The following SAT2 variants were observed in gnomAD, a reference collection of about 807,000 sequenced individuals.
The protein encoded by SAT2 is spermidine/spermine N1-acetyltransferase family member 2, also known as thialysine N-epsilon-acetyltransferase.
Under a neutral mutation model 24.8 loss-of-function variants are expected in SAT2, and 19 were observed. The ratio of observed to expected loss-of-function variants is 0.77; its 90% confidence interval spans 0.53 to 1.12. The LOEUF is 1.12. Among genes scored for constraint, SAT2 ranks in the 50% most tolerant of loss-of-function variants. The pLI is 0.00. For missense variants in SAT2, 190 were observed against 210.7 expected (o/e 0.90, Z 0.61); for synonymous variants, 77 against 77.4 (o/e 0.99, Z 0.03).
rs557032924 is a variant in SAT2 at position 7,627,707 on chromosome 17, C to G, written c.-72G>C. ...GCAACTAGACCCCTTAAAGGGCCTACGGACTTGGATCCTGAAGAGCCTGAG... is the reference window on the plus strand; with the variant it reads ...GCAACTAGACCCCTTAAAGGGCCTAGGGACTTGGATCCTGAAGAGCCTGAG... On this transcript the variant is annotated 5_prime_UTR_variant, in exon 1 of 6. Coordinates refer to ENST00000269298, the MANE Select transcript of SAT2 (RefSeq NM_133491.5). The surrounding 1 kb of genome is among the most constrained non-coding windows in gnomAD (Gnocchi z 4.8). 2 of 1,545,296 alleles carry G rather than the reference C, an allele frequency of 1.3e-6. No homozygotes were observed. The highest frequency in any genetic ancestry group is 2.7e-5 in the African/African-American group (2 of 73,496).
At position 7,627,802 on chromosome 17, in the gene SAT2, G is replaced by A. The variant is rs755942117; in HGVS notation, c.-167C>T. ...GCCTGGTAAGTGGAGCTGGGATTCCGGCGCCGTACGGGAGGAGAGAGTAGG... is the reference window on the plus strand; with the variant it reads ...GCCTGGTAAGTGGAGCTGGGATTCCAGCGCCGTACGGGAGGAGAGAGTAGG... On this transcript the variant is annotated 5_prime_UTR_variant, in exon 1 of 6. Coordinates refer to ENST00000269298, the MANE Select transcript of SAT2 (RefSeq NM_133491.5). This position sits in a 1 kb window ranked among gnomAD's most constrained non-coding sequence, Gnocchi z 4.8. The A allele has an allele frequency of 1.9e-5, 14 of 751,586 alleles. No homozygotes were observed. The South Asian group carries it at 2.0e-4, about 11-fold the overall frequency. The allele number at this position is 751,586 out of a possible 1,614,324, so 46.6% of individuals were successfully genotyped here.
chr17:7,627,849 C>G (rs1056713488), upstream of SAT2: 29 of 654,646 alleles, frequency 4.4e-5, no homozygotes, highest in Non-Finnish European at 7.4e-5. This position sits in a 1 kb window ranked among gnomAD's most constrained non-coding sequence, Gnocchi z 4.8. Context: ...ATCCTCTGTC[C>G]GGGCATAGCC....
In SAT2 at chr17:7,627,669, G is replaced by A; in HGVS notation, c.-34C>T. ...CCGCTGTCTGGGACCAAAGTCCCAGGGCCTCGCAAACGGCAACTAGACCCC... is the reference window on the plus strand; with the variant it reads ...CCGCTGTCTGGGACCAAAGTCCCAGAGCCTCGCAAACGGCAACTAGACCCC... On this transcript the variant is annotated 5_prime_UTR_variant, in exon 1 of 6. Coordinates refer to ENST00000269298, the MANE Select transcript of SAT2 (RefSeq NM_133491.5). This position sits in a 1 kb window ranked among gnomAD's most constrained non-coding sequence, Gnocchi z 4.8. 6.2e-7 allele frequency: 1 copy of A among 1,613,540 alleles called. No individual in the cohort carries two copies. Among genetic ancestry groups the A allele is most frequent in the South Asian group, 1.1e-5 (1 of 91,058 alleles).
rs370075865 is a variant in SAT2, at chr17:7,626,582, G to A, written c.378C>T (p.Arg126=). The A allele has an allele frequency of 6.2e-7, 1 of 1,614,074 alleles. No homozygotes were observed. Among genetic ancestry groups the A allele is most frequent in the Non-Finnish European group, 8.5e-7 (1 of 1,179,972 alleles). Residue 126 remains arginine, a synonymous_variant, in exon 6 of 6, where the codon CGC becomes CGT. Transcript: ENST00000269298. ...TCTGGTTCCAGTCCAGGACGGCCAGGCGGAATTGGGAGCAGCCCTTATCCA... is the reference window on the plus strand; with the variant it reads ...TCTGGTTCCAGTCCAGGACGGCCAGACGGAATTGGGAGCAGCCCTTATCCA... ...VALDKGCSQF[R]LAVLDWNQRA...
rs2150963063 is a variant in SAT2, at chr17:7,627,421, C to T, written c.67-7G>A. 1 of 1,614,052 alleles carries T rather than the reference C, an allele frequency of 6.2e-7. No individual in the cohort carries two copies. The highest frequency in any genetic ancestry group is 2.2e-5 in the East Asian group (1 of 44,882). On this transcript the variant is annotated splice_region_variant and splice_polypyrimidine_tract_variant and intron_variant, in intron 1 of 5. Transcript: ENST00000269298. The surrounding 1 kb of genome is among the most constrained non-coding windows in gnomAD (Gnocchi z 4.8). ...TTTCGAATTCGGCTAGCTCCTAAGG[C>T]GTGGGTACGGAAGCTAGATTAGAGC... is the stretch of plus-strand genomic sequence containing the variant.
At position 7,626,554 on chromosome 17, in the gene SAT2, C is replaced by T; in HGVS notation, c.406G>A (p.Ala136Thr). Residue 136 changes from alanine (A) to threonine (T), a missense_variant, in exon 6 of 6, where the codon GCC becomes ACC. By Grantham distance (58) the Ala-to-Thr change is moderately conservative. Transcript: ENST00000269298. ...CCTAGGGCCTTGTACAAGTCCATGG[C>T]CCTCTGGTTCCAGTCCAGGACGGCC... ...RLAVLDWNQR[A>T]MDLYKALGAQ... The T allele has an allele frequency of 6.2e-7, 1 of 1,614,194 alleles. No individual in the cohort carries two copies. The highest frequency in any genetic ancestry group is 8.5e-7 in the Non-Finnish European group (1 of 1,180,028).
rs982598982 is a variant in SAT2, at chr17:7,626,477, T to C, written c.483A>G (p.Gly161=). 13 of 1,614,058 alleles carry C rather than the reference T, an allele frequency of 8.1e-6. No homozygotes were observed. Among genetic ancestry groups the C allele is most frequent in the Non-Finnish European group, 1.1e-5 (13 of 1,180,000 alleles). The part of the protein sequence containing the change: ...AEGWHFFCFQ[G]EATRKLAGK Reference sequence around the variant, plus strand: ...TTCCTGCCAACTTTCTCGTTGCCTCTCCTTGAAAGCAGAAGAAGTGCCAGC... The same window carrying C: ...TTCCTGCCAACTTTCTCGTTGCCTCCCCTTGAAAGCAGAAGAAGTGCCAGC... The change falls in exon 6 of 6, where the codon GGA becomes GGG. Residue 161 remains glycine (G), a synonymous_variant. Coordinates refer to ENST00000269298, the MANE Select transcript of SAT2 (RefSeq NM_133491.5).
chr17:7,627,028 G>C lies in SAT2; in HGVS notation c.219C>G (p.Gly73=). The C allele has an allele frequency of 6.2e-7, 1 of 1,613,962 alleles. No individual in the cohort carries two copies. Among genetic ancestry groups the C allele is most frequent in the Non-Finnish European group, 8.5e-7 (1 of 1,179,960 alleles). ...PGKLLGPCVV[G]YGIYYFIYST... ...TGTAGATGAAATAGTATATCCCATA[G>C]CCCACCACGCAGGGCCCTGAGAGAG... The change falls in exon 4 of 6, where the codon GGC becomes GGG. Residue 73 remains glycine (G), a synonymous_variant. Coordinates refer to ENST00000269298, the MANE Select transcript of SAT2 (RefSeq NM_133491.5). The surrounding 1 kb of genome is among the most constrained non-coding windows in gnomAD (Gnocchi z 4.8).
Position 7,627,226 on chromosome 17 carries a change from G to A in SAT2, c.119C>T (p.Ala40Val), listed in dbSNP as rs1252200895. ...LSDQVKISEE[A>V]LRADGFGDNP... ...GTCTCCAAAGCCATCTGCTCTCAGG[G>A]CTGCCGAGATTGGAGTTGTGACAAA... is the stretch of plus-strand genomic sequence containing the variant. The change falls in exon 3 of 6, where the codon GCC becomes GTC. Residue 40 changes from alanine to valine, a missense_variant and splice_region_variant. Transcript: ENST00000269298. This position sits in a 1 kb window ranked among gnomAD's most constrained non-coding sequence, Gnocchi z 4.8. 3 of 1,613,988 alleles carry A rather than the reference G, an allele frequency of 1.9e-6. No homozygotes were observed. Among genetic ancestry groups the A allele is most frequent in the Non-Finnish European group, 2.5e-6 (3 of 1,180,006 alleles).
chr17:7,626,836 C>T (rs2072224442), intron 4 of SAT2, 43 bp from the exon 5 acceptor site: 1 of 1,611,038 alleles, frequency 6.2e-7, no homozygotes, highest in African/African-American at 1.3e-5. Flanking sequence ...ATTGTTTGAG[C>T]TGAAGGGGAT....
chr17:7,627,406 G>C lies in SAT2; in HGVS notation c.75C>G (p.Ala25=). ...CCTGATCCGAGAGTTTTTCGAATTC[G>C]GCTAGCTCCTAAGGCGTGGGTACGG... ...GDILRLIREL[A]EFEKLSDQVK... is the part of the protein sequence containing the mutation. The change falls in exon 2 of 6, where the codon GCC becomes GCG. Residue 25 remains alanine (A), a synonymous_variant. Transcript: ENST00000269298. This position sits in a 1 kb window ranked among gnomAD's most constrained non-coding sequence, Gnocchi z 4.8. 2 of 1,614,004 alleles carry C rather than the reference G, an allele frequency of 1.2e-6. No individual in the cohort carries two copies. Among genetic ancestry groups the C allele is most frequent in the Non-Finnish European group, 1.7e-6 (2 of 1,180,008 alleles).
chr17:7,627,834 A>T (rs1302977396), upstream of SAT2: 2 of 670,942 alleles, frequency 3.0e-6, no homozygotes, highest in Non-Finnish European at 5.5e-6. The surrounding 1 kb of genome is among the most constrained non-coding windows in gnomAD (Gnocchi z 4.8). Flanking sequence ...TAGGCCAGCG[A>T]GGCGATCCTC....
chr17:7,626,694 C>A, intron 5 of SAT2, 59 bp downstream of exon 5: 1 of 1,612,972 alleles, frequency 6.2e-7, no homozygotes, highest in Non-Finnish European at 8.5e-7. Flanking sequence ...ACCCGGGTCC[C>A]CCCTCCATAT....
Position 7,627,364 on chromosome 17 carries a change from T to G in SAT2, c.117A>C (p.Glu39Asp). The part of the protein sequence containing the change: ...KLSDQVKISE[E>D]ALRADGFGDN... ...AGAACCTGGGCGCTGAGCCCCCACC[T>G]TCTTCACTGATCTTCACCTGATCCG... Residue 39 changes from glutamate to aspartate, a missense_variant and splice_region_variant, in exon 2 of 6, where the codon GAA becomes GAC. Glu to Asp is a conservative substitution (Grantham distance 45). Transcript: ENST00000269298. The surrounding 1 kb of genome is among the most constrained non-coding windows in gnomAD (Gnocchi z 4.8). 1.2e-6 allele frequency: 2 copies of G among 1,614,166 alleles called. No homozygotes were observed. The highest frequency in any genetic ancestry group is 1.7e-6 in the Non-Finnish European group (2 of 1,180,020).
At chr17:7,627,834 A>C, upstream of SAT2, 1 of 670,942 alleles carries the variant, frequency 1.5e-6, no homozygotes. The surrounding 1 kb of genome is among the most constrained non-coding windows in gnomAD (Gnocchi z 4.8). Context: ...TAGGCCAGCG[A>C]GGCGATCCTC....
chr17:7,627,659 A>G lies in SAT2; in HGVS notation c.-24T>C. 1 of 1,613,784 alleles carries G rather than the reference A, an allele frequency of 6.2e-7. No individual in the cohort carries two copies. Among genetic ancestry groups the G allele is most frequent in the South Asian group, 1.1e-5 (1 of 91,060 alleles). ...ATCCGGATCCCCGCTGTCTGGGACC[A>G]AAGTCCCAGGGCCTCGCAAACGGCA... is the stretch of plus-strand genomic sequence containing the variant. On this transcript the variant is annotated 5_prime_UTR_variant, in exon 1 of 6. Transcript: ENST00000269298. The surrounding 1 kb of genome is among the most constrained non-coding windows in gnomAD (Gnocchi z 4.8).
At position 7,627,372 on chromosome 17, in the gene SAT2, T is replaced by C. The variant is rs770693140; in HGVS notation, c.109A>G (p.Ser37Gly). 1.2e-6 allele frequency: 2 copies of C among 1,614,156 alleles called. No homozygotes were observed. The change falls in exon 2 of 6, where the codon AGT becomes GGT. Residue 37 changes from serine to glycine, a missense_variant. By Grantham distance (56) the Ser-to-Gly change is moderately conservative. Transcript: ENST00000269298. The surrounding 1 kb of genome is among the most constrained non-coding windows in gnomAD (Gnocchi z 4.8). ...GGCGCTGAGCCCCCACCTTCTTCAC[T>C]GATCTTCACCTGATCCGAGAGTTTT... is the stretch of plus-strand genomic sequence containing the variant. ...FEKLSDQVKI[S>G]EEALRADGFG... is the part of the protein sequence containing the mutation.
In SAT2 at chr17:7,626,340, T is replaced by G; in HGVS notation, c.*107A>C. On this transcript the variant is annotated 3_prime_UTR_variant, in exon 6 of 6. Transcript: ENST00000269298. ...GAGGATAGGCACCCCTAACCCTCCT[T>G]CCTCCAGGGAGGCCTCAGCATCAGT... 2 of 1,281,838 alleles carry G rather than the reference T, an allele frequency of 1.6e-6. No homozygotes were observed. Among genetic ancestry groups the G allele is most frequent in the Non-Finnish European group, 2.2e-6 (2 of 913,034 alleles). The allele number at this position is 1,281,838 out of a possible 1,614,324, so 79.4% of individuals were successfully genotyped here. A position where few individuals can be genotyped will look rare whatever the true frequency, so the allele number is the denominator to read the frequency against.
Position 7,626,590 on chromosome 17 carries a change from G to C in SAT2, c.370C>G (p.Gln124Glu), listed in dbSNP as rs1176731127. ...CAGTCCAGGACGGCCAGGCGGAATT[G>C]GGAGCAGCCCTTATCCAAGGCCACC... ...AEVALDKGCS[Q>E]FRLAVLDWNQ... Residue 124 changes from glutamine to glutamate, a missense_variant, in exon 6 of 6, where the codon CAA becomes GAA. By Grantham distance (29) the Gln-to-Glu change is conservative. Transcript: ENST00000269298. 6.2e-7 allele frequency: 1 copy of C among 1,613,946 alleles called. No individual in the cohort carries two copies. The highest frequency in any genetic ancestry group is 1.7e-5 in the Admixed American group (1 of 59,970).
Sources: allele counts gnomAD v4.1 joint callset, GRCh38; gene constraint gnomAD v4.1.1; non-coding constraint Gnocchi (gnomAD v3.1); transcripts MANE v1.5; gene names NCBI Gene and HGNC (gene_info 2026-07-23, HGNC 2026-07-21).